EML6: variants seen among roughly 807,000 people sequenced by gnomAD.
The protein encoded by EML6 is EMAP like 6.
A neutral mutation model predicts 240.1 loss-of-function variants in EML6; 154 were observed. That is an observed-to-expected ratio of 0.64 (90% confidence interval 0.56 to 0.73). The LOEUF is 0.73. Among genes scored for constraint, EML6 ranks in the 30% least tolerant of loss-of-function variants. EML6 has a pLI of 0.00. For missense variants in EML6, 2,964 were observed against 2,474.6 expected (o/e 1.20, Z -4.20); for synonymous variants, 1,148 against 899.0 (o/e 1.28, Z -4.95).
chr2:54,916,984 C>A, intron 26 of EML6, 49 bp downstream of exon 26: 1 of 1,370,524 alleles, frequency 7.3e-7, no homozygotes, highest in Non-Finnish European at 1.0e-6. Context: ...CCTTAATAAC[C>A]TTAAATATTG....
intron 19 of EML6, among the ~76,000 whole-genome samples, chr2:54,893,232 C>T (rs1472848217): frequency 1.3e-5 from 2 of 152,088 alleles, no homozygotes; most frequent in Non-Finnish European, 2.9e-5. Context: ...TTACACTTAC[C>T]TTCTCTCAGT....
chr2:54,963,945 G>C, intron 36 of EML6, 41 bp from the exon 37 acceptor site: 1 of 1,519,080 alleles, frequency 6.6e-7, no homozygotes, highest in African/African-American at 1.4e-5. Flanking sequence ...ACCAGCTGAG[G>C]GGGCCAAGAG....
intron 12 of EML6, among the ~76,000 whole-genome samples, chr2:54,862,921 T>TG (rs1195741643): frequency 6.6e-6 from 1 of 152,148 alleles, no homozygotes; most frequent in Non-Finnish European, 1.5e-5. Flanking sequence ...TAACAGGCAG[T>TG]GGGTCTGTTC....
intron 2 of EML6, among the ~76,000 whole-genome samples, chr2:54,790,586 A>T (rs1334945538): frequency 6.6e-6 from 1 of 152,146 alleles, no homozygotes; most frequent in Non-Finnish European, 1.5e-5. Flanking sequence ...AAGGACCTAC[A>T]TTTTAATAGA....
chr2:54,964,041 C>T lies in EML6; in HGVS notation c.5213C>T (p.Pro1738Leu). ...GHAARCAAYS[P>L]DGEMVAIGMK... ...GCGGCCAGGTGTGCAGCCTACAGCC[C>T]TGATGGGGAGATGGTGGCCATTGGC... Residue 1738 changes from proline (P) to leucine (L), a missense_variant, in exon 37 of 42, where the codon CCT becomes CTT. By Grantham distance (98) the Pro-to-Leu change is moderately conservative. Coordinates refer to ENST00000356458, the MANE Select transcript of EML6 (RefSeq NM_001039753.4). 2.6e-6 allele frequency: 4 copies of T among 1,551,728 alleles called. No individual in the cohort carries two copies. The highest frequency in any genetic ancestry group is 2.7e-5 in the African/African-American group (2 of 73,170).
chr2:54,856,904 G>A (rs1670411473), intron 11 of EML6, among the ~76,000 whole-genome samples: 1 of 152,168 alleles, frequency 6.6e-6, no homozygotes, highest in African/African-American at 2.4e-5. Context: ...GTAAGAGATG[G>A]TGTGGCTTGG....
chr2:54,869,355 G>A lies in EML6; in HGVS notation c.2226G>A (p.Val742=). 1 of 1,549,526 alleles carries A rather than the reference G, an allele frequency of 6.5e-7. No homozygotes were observed. The change falls in exon 15 of 42, where the codon GTG becomes GTA. Residue 742 remains valine, a synonymous_variant. Coordinates refer to ENST00000356458, the MANE Select transcript of EML6 (RefSeq NM_001039753.4). ...SLTIHPVKDY[V]ATGQVGRDAA... is the part of the protein sequence containing the mutation. ...CCATCCATCCAGTGAAGGACTATGT[G>A]GCTACTGGGCAGGTATCTATCTCCT...
Position 54,953,971 on chromosome 2 carries a change from C to A in EML6, c.4313-12C>A. ...TCAGCCTTACTTCTTTGTCATGCCT[C>A]TCCACACTCAGGGACAACACCTTCC... On this transcript the variant is annotated splice_polypyrimidine_tract_variant and intron_variant, in intron 31 of 41. Coordinates refer to ENST00000356458, the MANE Select transcript of EML6 (RefSeq NM_001039753.4). 1 of 1,545,836 alleles carries A rather than the reference C, an allele frequency of 6.5e-7. No individual in the cohort carries two copies. The highest frequency in any genetic ancestry group is 8.7e-7 in the Non-Finnish European group (1 of 1,142,896).
At chr2:54,786,055 C>G (rs983976088) in intron 2 of EML6, among the ~76,000 whole-genome samples, 2 of 151,868 alleles carry the variant, frequency 1.3e-5, no homozygotes, top group Non-Finnish European at 2.9e-5. Context: ...GAGCGGCCAC[C>G]CAGGGTGTTG....
intron 5 of EML6, among the ~76,000 whole-genome samples, chr2:54,821,169 A>G (rs887479490): frequency 6.6e-6 from 1 of 152,168 alleles, no homozygotes; most frequent in African/African-American, 2.4e-5. Context: ...TGAATAGAGC[A>G]TGCATGGATT....
chr2:54,783,213 T>C (rs1247860927), intron 2 of EML6, among the ~76,000 whole-genome samples: 1 of 152,224 alleles, frequency 6.6e-6, no homozygotes, highest in Non-Finnish European at 1.5e-5. Context: ...TCATGTCTTA[T>C]CTCATAAAAT....
intron 2 of EML6, among the ~76,000 whole-genome samples, chr2:54,753,611 GA>G (rs1684269146): frequency 6.6e-6 from 1 of 151,586 alleles, no homozygotes; most frequent in Admixed American, 6.6e-5. Context: ...AAAAGCAGAG[GA>G]ACAGAGTCTC....
intron 8 of EML6, among the ~76,000 whole-genome samples, chr2:54,845,840 C>T (rs143132046): frequency 2.6e-5 from 4 of 152,172 alleles, no homozygotes; most frequent in African/African-American, 9.7e-5. Flanking sequence ...AGAAACCGTG[C>T]TGCATGTGAC....
intron 2 of EML6, among the ~76,000 whole-genome samples, chr2:54,782,194 G>A (rs1001161378): frequency 3.9e-5 from 6 of 152,014 alleles, no homozygotes; most frequent in African/African-American, 1.2e-4. Context: ...TTTTCTGTAC[G>A]TATGTTAAAT....
chr2:54,760,565 A>G (rs1358291934), intron 2 of EML6, among the ~76,000 whole-genome samples: 1 of 152,158 alleles, frequency 6.6e-6, no homozygotes, highest in African/African-American at 2.4e-5. Context: ...CAGTACCTAG[A>G]GGCAGCAGGC....
chr2:54,935,749 A>G (rs1460635490), intron 28 of EML6, among the ~76,000 whole-genome samples: 3 of 152,192 alleles, frequency 2.0e-5, no homozygotes, highest in Non-Finnish European at 2.9e-5. Flanking sequence ...AGTAGCTCAC[A>G]CCTGTAATCT....
At chr2:54,857,354 A>G (rs1375248873) in intron 11 of EML6, among the ~76,000 whole-genome samples, 2 of 152,144 alleles carry the variant, frequency 1.3e-5, no homozygotes, top group Non-Finnish European at 2.9e-5. Flanking sequence ...CCTGTGGTGC[A>G]GAGGACAAAG....
rs1377891992 is a variant in EML6, at chr2:54,964,710, TC to T, written c.5471del (p.Ser1824LeufsTer27). ...IPSFVIQMDF[S>X]ADGKYIQVST... ...AAGCTTTGTCATTCAGATGGATTTT[TC>T]TGCGGATGGCAAATACATTCAGGTA... On this transcript the variant is annotated frameshift_variant, in exon 38 of 42. Transcript: ENST00000356458. LOFTEE classifies it high-confidence loss of function. The T allele has an allele frequency of 3.9e-6, 6 of 1,551,866 alleles. No homozygotes were observed. The highest frequency in any genetic ancestry group is 3.9e-5 in the Admixed American group (2 of 50,986).
rs1218116872 is a variant in EML6, at chr2:54,952,578, G to T, written c.4214-16G>T. ...TAGGTTCCACTGTTCACCCTCCCAT[G>T]ATCTCTCTCCCCCAGGGAGCCAGAG... On this transcript the variant is annotated splice_polypyrimidine_tract_variant and intron_variant, in intron 30 of 41. Coordinates refer to ENST00000356458, the MANE Select transcript of EML6 (RefSeq NM_001039753.4). 2 of 1,534,080 alleles carry T rather than the reference G, an allele frequency of 1.3e-6. No individual in the cohort carries two copies. Among genetic ancestry groups the T allele is most frequent in the Non-Finnish European group, 1.8e-6 (2 of 1,131,950 alleles).
Sources: gnomAD v4.1 joint callset for allele counts (sites outside exome capture counted in the v4.1 genomes callset) on GRCh38, gnomAD v4.1.1 for gene constraint, MANE v1.5 for transcripts, NCBI Gene and HGNC (gene_info 2026-07-23, HGNC 2026-07-21) for gene names.